The following RBFOX1 variants were observed in gnomAD, a reference collection of about 807,000 sequenced individuals.
RBFOX1 encodes the protein RNA binding protein fox-1 homolog 1.
A neutral mutation model predicts 57.7 loss-of-function variants in RBFOX1; 8 were observed. The ratio of observed to expected loss-of-function variants is 0.14; its 90% CI spans 0.08 to 0.25. RBFOX1 has a LOEUF of 0.25. Ranked by LOEUF, RBFOX1 falls within the 10% of genes least tolerant of loss-of-function variation. The pLI, the probability that RBFOX1 is intolerant of heterozygous loss-of-function variation, is 1.00. For missense variants in RBFOX1, 611 were observed against 548.5 expected (o/e 1.11, Z -1.14); for synonymous variants, 326 against 222.4 (o/e 1.47, Z -4.15).
At chr16:5,307,750 G>A (rs1248826232) in intron 1 of RBFOX1, among the ~76,000 whole-genome samples, 1 of 152,008 alleles carries the variant, frequency 6.6e-6, no homozygotes, top group East Asian at 1.9e-4. Context: ...CATATCTTAC[G>A]GCAACCTCAA....
chr16:5,532,767 C>T (rs1310491187), intron 2 of RBFOX1, among the ~76,000 whole-genome samples: 1 of 152,184 alleles, frequency 6.6e-6, no homozygotes, highest in Non-Finnish European at 1.5e-5. Context: ...CATCCAGGTC[C>T]TCCTGGATTG....
At chr16:7,419,858 A>G (rs914813050) in intron 4 of RBFOX1, among the ~76,000 whole-genome samples, 1 of 148,772 alleles carries the variant, frequency 6.7e-6, no homozygotes, top group African/African-American at 2.5e-5. Flanking sequence ...TCTTTTCTCC[A>G]CTAATTATAC....
chr16:6,709,030 C>T (rs2063284101), intron 3 of RBFOX1, among the ~76,000 whole-genome samples: 2 of 151,892 alleles, frequency 1.3e-5, no homozygotes, highest in Admixed American at 1.3e-4. Context: ...TTGCTAATTA[C>T]ACCATCTCCC....
chr16:7,003,267 T>C (rs1280953680), intron 3 of RBFOX1, among the ~76,000 whole-genome samples: 4 of 151,944 alleles, frequency 2.6e-5, no homozygotes, highest in Non-Finnish European at 5.9e-5. Context: ...AAGACCATCC[T>C]GGCCAACATG....
At chr16:6,532,776 C>G (rs899290152) in intron 2 of RBFOX1, among the ~76,000 whole-genome samples, 1 of 152,164 alleles carries the variant, frequency 6.6e-6, no homozygotes, top group Non-Finnish European at 1.5e-5. Flanking sequence ...TTACCGTCCC[C>G]ACTCCTGTGT....
chr16:7,223,422 A>G (rs958913012), intron 4 of RBFOX1, among the ~76,000 whole-genome samples: 1 of 152,214 alleles, frequency 6.6e-6, no homozygotes, highest in Non-Finnish European at 1.5e-5. Context: ...GATAAACCAA[A>G]TCAAAATGTA....
intron 3 of RBFOX1, among the ~76,000 whole-genome samples, chr16:5,678,096 C>T (rs1199653459): frequency 1.3e-5 from 2 of 152,122 alleles, no homozygotes; most frequent in African/African-American, 2.4e-5. Flanking sequence ...TTAAAAATAC[C>T]AGATACTCAT....
At chr16:7,276,461 TCTTC>T (rs1429541985) in intron 4 of RBFOX1, among the ~76,000 whole-genome samples, 1 of 152,200 alleles carries the variant, frequency 6.6e-6, no homozygotes, top group Non-Finnish European at 1.5e-5. Context: ...CATTAGTTTT[TCTTC>T]CTTCCTCTAT....
At chr16:5,674,196 C>A (rs6500712) in intron 3 of RBFOX1, among the ~76,000 whole-genome samples, 97,601 of 152,060 alleles carry the variant, frequency 0.64, 32,064 homozygotes, top group Non-Finnish European at 0.71. Flanking sequence ...TACAGGTATA[C>A]CAAATGTTAT....
At chr16:6,060,290 T>C (rs2095668872) in intron 1 of RBFOX1, among the ~76,000 whole-genome samples, 1 of 152,090 alleles carries the variant, frequency 6.6e-6, no homozygotes. Flanking sequence ...ATTTGCACCA[T>C]TTGTTCATCT....
chr16:7,019,543 C>G (rs758336531), intron 3 of RBFOX1, among the ~76,000 whole-genome samples: 4 of 152,126 alleles, frequency 2.6e-5, no homozygotes, highest in African/African-American at 9.7e-5. Context: ...CTTGTTTGTG[C>G]TGTGGATTTG....
At chr16:5,372,344 A>C (rs924838072) in intron 1 of RBFOX1, among the ~76,000 whole-genome samples, 1 of 152,148 alleles carries the variant, frequency 6.6e-6, no homozygotes, top group African/African-American at 2.4e-5. Context: ...TTTCTCCCCC[A>C]ATAAAGATGG....
chr16:6,345,522 A>G (rs1018697805), intron 2 of RBFOX1, among the ~76,000 whole-genome samples: 11 of 152,088 alleles, frequency 7.2e-5, no homozygotes, highest in Non-Finnish European at 1.5e-4. Context: ...CGAGTCCTCT[A>G]TCCGACCTGG....
chr16:7,166,985 T>C (rs1389418435), intron 4 of RBFOX1, among the ~76,000 whole-genome samples: 1 of 55,472 alleles, frequency 1.8e-5, no homozygotes, highest in East Asian at 9.1e-4. Context: ...TTTTTTTTTT[T>C]TTTTTTTTTT....
At chr16:6,456,984 G>A (rs1161891230) in intron 2 of RBFOX1, among the ~76,000 whole-genome samples, 1 of 152,172 alleles carries the variant, frequency 6.6e-6, no homozygotes, top group Non-Finnish European at 1.5e-5. Flanking sequence ...GGAGAAGATA[G>A]ATGTTAAGTA....
At chr16:6,206,258 G>A (rs1054627470) in intron 1 of RBFOX1, among the ~76,000 whole-genome samples, 3 of 151,992 alleles carry the variant, frequency 2.0e-5, no homozygotes, top group African/African-American at 7.2e-5. Context: ...CTGCCAGGAC[G>A]TTGTGTGTGC....
intron 3 of RBFOX1, among the ~76,000 whole-genome samples, chr16:5,693,012 C>T (rs1350441660): frequency 6.6e-6 from 1 of 152,216 alleles, no homozygotes; most frequent in South Asian, 2.1e-4. Context: ...AGCTTCCCCC[C>T]AGCTCTGGAT....
chr16:5,656,353 ATTATCT>A (rs1196045025), intron 3 of RBFOX1, among the ~76,000 whole-genome samples: 1 of 152,112 alleles, frequency 6.6e-6, no homozygotes, highest in African/African-American at 2.4e-5. Context: ...TGTTAATATA[ATTATCT>A]TTATTAGTAT....
At position 7,518,161 on chromosome 16, in the gene RBFOX1, A is replaced by G; in HGVS notation, c.42A>G (p.Ala14=). 1.9e-6 allele frequency: 3 copies of G among 1,611,416 alleles called. No individual in the cohort carries two copies. The highest frequency in any genetic ancestry group is 2.5e-6 in the Non-Finnish European group (3 of 1,178,626). ...EREQLRGNQE[A]AAAPDTMAQP... Reference sequence around the variant, plus strand: ...TGATTTTTCAGGGTAATCAGGAAGCAGCCGCTGCCCCTGACACAATGGCTC... The same window carrying G: ...TGATTTTTCAGGGTAATCAGGAAGCGGCCGCTGCCCCTGACACAATGGCTC... The change falls in exon 5 of 16, where the codon GCA becomes GCG. Residue 14 remains alanine (A), a synonymous_variant. Coordinates refer to ENST00000550418, the MANE Select transcript of RBFOX1 (RefSeq NM_018723.4).
Sources: gnomAD v4.1 joint callset for allele counts (sites outside exome capture counted in the v4.1 genomes callset) on GRCh38, gnomAD v4.1.1 for gene constraint, MANE v1.5 for transcripts, NCBI Gene and HGNC (gene_info 2026-07-23, HGNC 2026-07-21) for gene names.